The following NUP43 variants were observed in gnomAD, a reference collection of about 807,000 sequenced individuals.
NUP43 encodes nucleoporin Nup43.
In NUP43, 32 loss-of-function variants were observed where a neutral mutation model predicts 47.3. The ratio of observed to expected loss-of-function variants is 0.68; its 90% CI spans 0.51 to 0.91. The LOEUF (loss-of-function observed/expected upper bound fraction) is 0.91. Among genes scored for constraint, NUP43 ranks in the 40% least tolerant of loss-of-function variants. The pLI is 0.00. For synonymous variants in NUP43, 147 were observed against 158.4 expected, an observed-to-expected ratio of 0.93 and a Z score of 0.54; for missense variants, 444 against 453.9, an observed-to-expected ratio of 0.98 and a Z score of 0.20.
chr6:149,742,459 C>T lies in NUP43; in HGVS notation c.433G>A (p.Val145Ile), dbSNP rs756268616. 9 of 1,614,058 alleles carry T rather than the reference C, an allele frequency of 5.6e-6. No homozygotes were observed. The highest frequency in any genetic ancestry group is 1.3e-5 in the African/African-American group (1 of 74,930). The change falls in exon 4 of 8, where the codon GTT becomes ATT. Residue 145 changes from valine to isoleucine, a missense_variant. Physicochemically the swap from Val to Ile is conservative, Grantham distance 29. Transcript: ENST00000340413. ...ATTCGACCATCCTCTCCAACTGTAA[C>T]GATTTCTGGGTTGTTGCACACAACA... is the stretch of plus-strand genomic sequence containing the variant. ...TGVVCNNPEIVTVGEDGRINL... is the reference protein window; with the variant it reads ...TGVVCNNPEIITVGEDGRINL...
chr6:149,746,418 T>C lies in NUP43; in HGVS notation c.78A>G (p.Leu26=). The change falls in exon 1 of 8, where the codon TTA becomes TTG. Residue 26 remains leucine, a synonymous_variant. Coordinates refer to ENST00000340413, the MANE Select transcript of NUP43 (RefSeq NM_198887.3). ...CTGTAGCGAACGTCTCCGCGGTCTG[T>C]AAACTTCCCGGAGGCAGCGGTCGCC... ...TRWRPLPPGS[L]QTAETFATGS... 6.2e-7 allele frequency: 1 copy of C among 1,614,200 alleles called. No homozygotes were observed. Among genetic ancestry groups the C allele is most frequent in the Non-Finnish European group, 8.5e-7 (1 of 1,180,042 alleles).
intron 6 of NUP43, among the ~76,000 whole-genome samples, chr6:149,733,453 T>C (rs1043286820): frequency 6.6e-6 from 1 of 152,170 alleles, no homozygotes; most frequent in Non-Finnish European, 1.5e-5. Context: ...AAATTCTCTC[T>C]CTCTTTTTGA....
At position 149,746,507 on chromosome 6, in the gene NUP43, C is replaced by T. The variant is rs777752817; in HGVS notation, c.-12G>A. 6 of 1,614,162 alleles carry T rather than the reference C, an allele frequency of 3.7e-6. No homozygotes were observed. Reference sequence around the variant, plus strand: ...TAAATTTCCTCCATGCCGAAAGCGGCCGCAGCAGGTACTGCAAAAAGCAAG... The same window carrying T: ...TAAATTTCCTCCATGCCGAAAGCGGTCGCAGCAGGTACTGCAAAAAGCAAG... On this transcript the variant is annotated 5_prime_UTR_variant, in exon 1 of 8. Coordinates refer to ENST00000340413, the MANE Select transcript of NUP43 (RefSeq NM_198887.3).
rs1448561737 is a variant in NUP43 at position 149,724,618 on chromosome 6, C to T, written c.*2351G>A. 3 of 152,272 alleles carry T rather than the reference C, an allele frequency of 2.0e-5. No homozygotes were observed. In the South Asian group the frequency reaches 6.2e-4, roughly 32 times the overall value. 9.4% of individuals were successfully genotyped at this position (152,272 alleles called of 1,614,324 possible). Reference sequence around the variant, plus strand: ...ATATTTTTTGAGATGGCGTTTTGCTCTTTTGCCCAGGCTGGAGTGAAGTGG... The same window carrying T: ...ATATTTTTTGAGATGGCGTTTTGCTTTTTTGCCCAGGCTGGAGTGAAGTGG... On this transcript the variant is annotated 3_prime_UTR_variant, in exon 8 of 8. Transcript: ENST00000340413.
chr6:149,733,498 C>T (rs1057201028), intron 6 of NUP43, among the ~76,000 whole-genome samples: 7 of 152,086 alleles, frequency 4.6e-5, no homozygotes, highest in Non-Finnish European at 8.8e-5. Context: ...GGCTGGAGTG[C>T]AGAATGGCAT....
chr6:149,735,676 A>C (rs2115108215), intron 6 of NUP43, among the ~76,000 whole-genome samples: 1 of 151,100 alleles, frequency 6.6e-6, no homozygotes, highest in African/African-American at 2.4e-5. Flanking sequence ...TATAAGAATT[A>C]AACCTGTGGT....
rs781572813 is a variant in NUP43 at position 149,746,512 on chromosome 6, G to A, written c.-17C>T. 4.2e-5 allele frequency: 68 copies of A among 1,614,044 alleles called. No homozygotes were observed. Among genetic ancestry groups the A allele is most frequent in the Non-Finnish European group, 5.7e-5 (67 of 1,180,038 alleles). On this transcript the variant is annotated 5_prime_UTR_variant, in exon 1 of 8. Transcript: ENST00000340413. ...TTCCTCCATGCCGAAAGCGGCCGCA[G>A]CAGGTACTGCAAAAAGCAAGCACAG...
In NUP43 at chr6:149,735,997, AC is replaced by A. The variant is rs1260972029; in HGVS notation, c.790+473del. On this transcript the variant is annotated intron_variant, in intron 6 of 7. Transcript: ENST00000340413. ...CTTTAAAAAAAAAAAAAAAAAAAAA[AC>A]CAGGCACGGCGGCTCATGCCTGTAA... Among the ~76,000 whole-genome samples, 211 of 132,136 alleles carry A rather than the reference AC, an allele frequency of 1.6e-3. 2 individuals carry two copies. Among genetic ancestry groups the A allele is most frequent in the African/African-American group, 5.3e-3 (198 of 37,120 alleles). The allele number at this position is 132,136 out of a possible 152,430, so 86.7% of individuals were successfully genotyped here.
At chr6:149,744,292 G>A (rs1328929474) in intron 2 of NUP43, among the ~76,000 whole-genome samples, 1 of 151,340 alleles carries the variant, frequency 6.6e-6, no homozygotes, top group Non-Finnish European at 1.5e-5. Context: ...TTGGGAGGCT[G>A]AGGCAAGCGG....
rs781496620 is a variant in NUP43, at chr6:149,745,927, T to C, written c.243+13A>G. ...ACTTTCAAAGTTAGCTTTTGGATGCTACACAGATTTACCTGTAAATCCATT... is the reference window on the plus strand; with the variant it reads ...ACTTTCAAAGTTAGCTTTTGGATGCCACACAGATTTACCTGTAAATCCATT... On this transcript the variant is annotated intron_variant, in intron 2 of 7. Coordinates refer to ENST00000340413, the MANE Select transcript of NUP43 (RefSeq NM_198887.3). 34 of 1,600,880 alleles carry C rather than the reference T, an allele frequency of 2.1e-5. No homozygotes were observed. The highest frequency in any genetic ancestry group is 1.9e-4 in the South Asian group (17 of 88,500).
intron 7 of NUP43, chr6:149,727,781 A>G: frequency 2.0e-6 from 2 of 984,070 alleles, no homozygotes; most frequent in Non-Finnish European, 2.4e-6. Flanking sequence ...ATAAGGTTTT[A>G]TCTCTAACAG....
intron 7 of NUP43, chr6:149,729,526 A>T: frequency 2.0e-6 from 2 of 984,944 alleles, no homozygotes. Context: ...CTCCTAATTC[A>T]GAACAAACTT....
chr6:149,726,880 G>T lies in NUP43; in HGVS notation c.*89C>A. 1.0e-6 allele frequency: 1 copy of T among 959,688 alleles called. No homozygotes were observed. The highest frequency in any genetic ancestry group is 1.6e-6 in the Non-Finnish European group (1 of 620,438). The allele number at this position is 959,688 out of a possible 1,614,324, so 59.4% of individuals were successfully genotyped here. A position where few individuals can be genotyped will look rare whatever the true frequency, so the allele number is the denominator to read the frequency against. On this transcript the variant is annotated 3_prime_UTR_variant, in exon 8 of 8. Transcript: ENST00000340413. ...TACTGATGTTTCCCCTGCAAATCTC[G>T]TATTTTCTGATACTAAAATTTTGCA...
At chr6:149,740,687 G>T (rs1189457152) in intron 4 of NUP43, among the ~76,000 whole-genome samples, 3 of 152,094 alleles carry the variant, frequency 2.0e-5, no homozygotes, top group Non-Finnish European at 4.4e-5. Context: ...AATTCCTAGA[G>T]ATTCTGATTT....
intron 2 of NUP43, among the ~76,000 whole-genome samples, chr6:149,745,518 C>T (rs1038892435): frequency 1.3e-5 from 2 of 152,038 alleles, no homozygotes; most frequent in Non-Finnish European, 2.9e-5. Flanking sequence ...GAGCACTAAT[C>T]TCTACTTAGG....
In NUP43 at chr6:149,738,756, G is replaced by A. The variant is rs777358455; in HGVS notation, c.525C>T (p.Leu175=). ...RTIDNADSST[L]HAVTFLRTPE... ...GAGTTCGAAGAAAGGTTACAGCATG[G>A]AGTGTACTACTATCTGCATTGTCTA... Residue 175 remains leucine (L), a synonymous_variant, in exon 5 of 8, where the codon CTC becomes CTT. Coordinates refer to ENST00000340413, the MANE Select transcript of NUP43 (RefSeq NM_198887.3). 1 of 1,582,420 alleles carries A rather than the reference G, an allele frequency of 6.3e-7. No individual in the cohort carries two copies. The highest frequency in any genetic ancestry group is 8.6e-7 in the Non-Finnish European group (1 of 1,166,150).
At chr6:149,733,871 C>T (rs1785185363) in intron 6 of NUP43, among the ~76,000 whole-genome samples, 1 of 151,784 alleles carries the variant, frequency 6.6e-6, no homozygotes, top group Non-Finnish European at 1.5e-5. Flanking sequence ...GTTGCCCAGG[C>T]TGGAGTGCAA....
chr6:149,745,989 T>C lies in NUP43; in HGVS notation c.194A>G (p.His65Arg), dbSNP rs759581564. The change falls in exon 2 of 8, where the codon CAT (histidine) becomes CGT (arginine). Residue 65 changes from histidine (H) to arginine (R), a missense_variant. Transcript: ENST00000340413. The stretch of plus-strand genomic sequence containing the variant: ...GTGTCTGATATCACACAATAACTGA[T>C]GGTCTCCTTCAAACCCTCCATCAGA... Reference protein sequence around the residue: ...LDSDGGFEGDHQLLCDIRHHG... With the variant: ...LDSDGGFEGDRQLLCDIRHHG... 1.9e-6 allele frequency: 3 copies of C among 1,613,428 alleles called. No homozygotes were observed. Among genetic ancestry groups the C allele is most frequent in the East Asian group, 2.2e-5 (1 of 44,900 alleles).
intron 5 of NUP43, 113 bp downstream of exon 5, chr6:149,738,530 A>G (rs1184778993): frequency 7.3e-6 from 5 of 681,712 alleles, no homozygotes; most frequent in Non-Finnish European, 1.1e-5. Flanking sequence ...TTAATCAGGG[A>G]TCTCCCTCTT....
Sources: allele counts gnomAD v4.1 joint callset (sites outside exome capture counted in the v4.1 genomes callset), GRCh38; gene constraint gnomAD v4.1.1; transcripts MANE v1.5; gene names NCBI Gene and HGNC (gene_info 2026-07-23, HGNC 2026-07-21).